NCKAP5: variants seen among roughly 807,000 people sequenced by gnomAD.
The protein encoded by NCKAP5 is NCK associated protein 5, also known as nck-associated protein 5.
In NCKAP5, 92 loss-of-function variants were observed where a neutral mutation model predicts 167.0. The ratio of observed to expected loss-of-function variants is 0.55; its 90% CI spans 0.47 to 0.66. The LOEUF (loss-of-function observed/expected upper bound fraction) is 0.66, where lower values mean the gene tolerates loss of function less well. Among genes scored for constraint, NCKAP5 ranks in the 30% least tolerant of loss-of-function variants. NCKAP5 has a pLI of 0.00. For missense variants in NCKAP5, 2,378 were observed against 2,315.0 expected, an observed-to-expected ratio of 1.03 and a Z score of -0.56; for synonymous variants, 891 against 877.4, an observed-to-expected ratio of 1.02 and a Z score of -0.27.
At chr2:133,209,901 C>T (rs1192829434) in intron 5 of NCKAP5, among the ~76,000 whole-genome samples, 5 of 151,966 alleles carry the variant, frequency 3.3e-5, no homozygotes, top group African/African-American at 7.3e-5. Context: ...GGTGTGGTGG[C>T]TTATGCCTGT....
intron 6 of NCKAP5, among the ~76,000 whole-genome samples, chr2:133,084,182 G>A (rs2080906239): frequency 1.3e-5 from 2 of 152,082 alleles, no homozygotes; most frequent in African/African-American, 2.4e-5. Context: ...AGAAGTTGAG[G>A]GAGAGGAATG....
chr2:132,902,813 C>T (rs985030252), intron 8 of NCKAP5, among the ~76,000 whole-genome samples: 5 of 152,212 alleles, frequency 3.3e-5, no homozygotes, highest in East Asian at 1.9e-4. Context: ...GGATGAACAA[C>T]ACAGTTTTCC....
chr2:133,276,831 AT>A (rs2089749217), intron 4 of NCKAP5, among the ~76,000 whole-genome samples: 2 of 152,292 alleles, frequency 1.3e-5, no homozygotes, highest in South Asian at 4.1e-4. Context: ...CATTAAAAAA[AT>A]ATCACGGCCA....
chr2:133,129,185 G>C (rs1242297219), intron 6 of NCKAP5, among the ~76,000 whole-genome samples: 1 of 151,340 alleles, frequency 6.6e-6, no homozygotes, highest in Admixed American at 6.6e-5. Flanking sequence ...ATGCTGGTGT[G>C]CTGCACCCAT....
chr2:133,472,109 A>G (rs1018496150), intron 3 of NCKAP5, among the ~76,000 whole-genome samples: 1 of 152,178 alleles, frequency 6.6e-6, no homozygotes, highest in Non-Finnish European at 1.5e-5. Flanking sequence ...ATTTTAATGC[A>G]GCAAATCACC....
chr2:133,115,436 A>G (rs1037799028), intron 6 of NCKAP5, among the ~76,000 whole-genome samples: 1 of 151,690 alleles, frequency 6.6e-6, no homozygotes, highest in Non-Finnish European at 1.5e-5. Flanking sequence ...ATGATTGTTC[A>G]CTCTGTAGAT....
chr2:133,475,468 G>T (rs1261082374), intron 3 of NCKAP5, among the ~76,000 whole-genome samples: 2 of 152,126 alleles, frequency 1.3e-5, no homozygotes, highest in Non-Finnish European at 2.9e-5. Flanking sequence ...AGGCTCAAGA[G>T]CAGAAACTTA....
chr2:133,286,058 C>T (rs1383480348), intron 4 of NCKAP5, among the ~76,000 whole-genome samples: 6 of 150,884 alleles, frequency 4.0e-5, no homozygotes, highest in African/African-American at 9.8e-5. Flanking sequence ...TGCAGTGGCA[C>T]GATCTCGGCT....
intron 3 of NCKAP5, among the ~76,000 whole-genome samples, chr2:133,366,575 T>C (rs1046218752): frequency 6.6e-6 from 1 of 152,190 alleles, no homozygotes; most frequent in South Asian, 2.1e-4. Context: ...GTGCTGGGAT[T>C]ACAGGCGTGA....
At chr2:133,343,949 C>A (rs1468093924) in intron 3 of NCKAP5, among the ~76,000 whole-genome samples, 1 of 152,148 alleles carries the variant, frequency 6.6e-6, no homozygotes, top group Non-Finnish European at 1.5e-5. Flanking sequence ...AGTTAACTCT[C>A]TGGAGCAGTA....
chr2:132,917,470 GGGTT>G (rs1399249408), intron 8 of NCKAP5, among the ~76,000 whole-genome samples: 10 of 151,914 alleles, frequency 6.6e-5, no homozygotes, highest in African/African-American at 2.4e-4. Context: ...TTAATCTATT[GGGTT>G]GGTTGACTCA....
intron 2 of NCKAP5, among the ~76,000 whole-genome samples, chr2:133,544,083 C>T (rs1472720306): frequency 6.6e-6 from 1 of 152,182 alleles, no homozygotes; most frequent in Non-Finnish European, 1.5e-5. Context: ...TGATTTGTAT[C>T]TTAACAGCGT....
intron 3 of NCKAP5, among the ~76,000 whole-genome samples, chr2:133,314,461 G>C (rs1559376219): frequency 6.6e-6 from 1 of 152,124 alleles, no homozygotes; most frequent in Non-Finnish European, 1.5e-5. Context: ...TCTCTGAGAA[G>C]CTCCCAGGTG....
rs148167741 is a variant in NCKAP5, at chr2:133,371,171, C to G, written c.70-68061G>C. Among the ~76,000 whole-genome samples, 27 of 152,302 alleles carry G rather than the reference C, an allele frequency of 1.8e-4. No homozygotes were observed. The East Asian group carries it at 4.8e-3, about 27-fold the overall frequency. Reference sequence around the variant, plus strand: ...AGCTAAGACCTTCAGTCCCAAATAACAGAGAATCTGCTGGATTTGCACCAA... The same window carrying G: ...AGCTAAGACCTTCAGTCCCAAATAAGAGAGAATCTGCTGGATTTGCACCAA... On this transcript the variant is annotated intron_variant, in intron 3 of 19. Coordinates refer to ENST00000409261, the MANE Select transcript of NCKAP5 (RefSeq NM_207363.3).
At chr2:133,213,356 T>C (rs1394434802) in intron 5 of NCKAP5, among the ~76,000 whole-genome samples, 1 of 152,224 alleles carries the variant, frequency 6.6e-6, no homozygotes, top group African/African-American at 2.4e-5. Flanking sequence ...AACACTAAGA[T>C]GGCTGTTGTT....
intron 6 of NCKAP5, among the ~76,000 whole-genome samples, chr2:133,035,901 G>T (rs78915748): frequency 0.039 from 5,971 of 151,710 alleles, 185 homozygotes; most frequent in Middle Eastern, 0.12. Flanking sequence ...TTGGTTTTTT[G>T]GAAAGTTAAA....
At chr2:132,737,936 T>C (rs1244945353) in intron 16 of NCKAP5, among the ~76,000 whole-genome samples, 3 of 152,206 alleles carry the variant, frequency 2.0e-5, no homozygotes, top group East Asian at 1.9e-4. Context: ...GGCGTCTGAC[T>C]CTATCACCAG....
chr2:133,163,125 G>A (rs886685349), intron 5 of NCKAP5, among the ~76,000 whole-genome samples: 7 of 151,276 alleles, frequency 4.6e-5, no homozygotes, highest in Admixed American at 1.3e-4. Context: ...AGCAAAAAAA[G>A]AGAAAACACC....
At chr2:132,985,601 C>A (rs1392692400) in intron 7 of NCKAP5, among the ~76,000 whole-genome samples, 1 of 152,142 alleles carries the variant, frequency 6.6e-6, no homozygotes, top group Non-Finnish European at 1.5e-5. Flanking sequence ...TAAGCACACA[C>A]TTTGGTTATG....
Sources: gnomAD v4.1 joint callset for allele counts (sites outside exome capture counted in the v4.1 genomes callset) on GRCh38, gnomAD v4.1.1 for gene constraint, MANE v1.5 for transcripts, NCBI Gene and HGNC (gene_info 2026-07-23, HGNC 2026-07-21) for gene names.